The following CAST variants were observed in gnomAD, a reference collection of about 807,000 sequenced individuals.
The protein encoded by CAST is calpastatin.
Under a neutral mutation model 119.6 loss-of-function variants are expected in CAST, and 76 were observed. The ratio of observed to expected loss-of-function variants is 0.64; its 90% CI spans 0.53 to 0.77. The LOEUF (loss-of-function observed/expected upper bound fraction) is 0.77. Ranked by LOEUF, CAST falls within the 30% of genes least tolerant of loss-of-function variation. The probability of loss-of-function intolerance (pLI) is 0.00; values close to 1 mark genes in which losing one functional copy is unlikely to be tolerated. For missense variants in CAST, 953 were observed against 946.5 expected (o/e 1.01, Z -0.09); for synonymous variants, 319 against 331.6 (o/e 0.96, Z 0.41).
the CAST span, among the ~76,000 whole-genome samples, chr5:96,442,523 G>A: frequency 6.6e-6 from 1 of 152,226 alleles, no homozygotes; most frequent in East Asian, 1.9e-4. Context: ...CTAGGAACTT[G>A]GAAACTACGT....
chr5:96,623,177 T>G (rs1301083496), intron 1 of CAST, among the ~76,000 whole-genome samples: 1 of 152,108 alleles, frequency 6.6e-6, no homozygotes, highest in Non-Finnish European at 1.5e-5. Context: ...CTCAATAATT[T>G]TAATAACCTG....
the CAST span, among the ~76,000 whole-genome samples, chr5:96,048,438 A>G: frequency 6.6e-6 from 1 of 152,192 alleles, no homozygotes; most frequent in African/African-American, 2.4e-5. Flanking sequence ...CTGAGGGGGC[A>G]GAAAGGGAAA....
intron 1 of CAST, among the ~76,000 whole-genome samples, chr5:96,536,042 T>G (rs1745806806): frequency 6.7e-6 from 1 of 148,882 alleles, no homozygotes; most frequent in African/African-American, 2.5e-5. Context: ...TTTTTTTTTT[T>G]TTTTTTTTTT....
intron 2 of CAST, among the ~76,000 whole-genome samples, chr5:96,692,659 G>A (rs1197370343): frequency 6.6e-6 from 1 of 152,096 alleles, no homozygotes; most frequent in East Asian, 1.9e-4. Flanking sequence ...CCACACAGCA[G>A]TCAGGTGTTA....
intron 11 of CAST, among the ~76,000 whole-genome samples, chr5:96,738,679 T>C (rs1762115903): frequency 6.6e-6 from 1 of 152,080 alleles, no homozygotes; most frequent in Non-Finnish European, 1.5e-5. Context: ...ACACCTGTAA[T>C]CCCAGCACTT....
chr5:96,304,968 C>T, the CAST span, among the ~76,000 whole-genome samples: 82 of 152,126 alleles, frequency 5.4e-4, no homozygotes, highest in Admixed American at 1.0e-3. Context: ...TTAAAGTAGT[C>T]TTTTCCAATT....
intron 27 of CAST, among the ~76,000 whole-genome samples, chr5:96,766,847 C>G (rs937097977): frequency 6.7e-6 from 1 of 148,506 alleles, no homozygotes; most frequent in African/African-American, 2.5e-5. Flanking sequence ...TGTACTGATT[C>G]ATTTTGGTGA....
the CAST span, among the ~76,000 whole-genome samples, chr5:96,463,921 G>A: frequency 6.6e-6 from 1 of 151,442 alleles, no homozygotes; most frequent in Non-Finnish European, 1.5e-5. Context: ...CTATTTTGAC[G>A]TGAAGACACA....
chr5:96,316,698 G>T, the CAST span, among the ~76,000 whole-genome samples: 2 of 152,156 alleles, frequency 1.3e-5, no homozygotes, highest in Admixed American at 1.3e-4. Context: ...GTGTCATCAG[G>T]AATCCCAAAG....
At chr5:96,687,323 G>C (rs1752198969) in intron 2 of CAST, among the ~76,000 whole-genome samples, 1 of 152,192 alleles carries the variant, frequency 6.6e-6, no homozygotes, top group Non-Finnish European at 1.5e-5. Context: ...AATTGAAAAA[G>C]AGCTCAGAGG....
chr5:96,756,221 C>T (rs17401901), intron 22 of CAST, among the ~76,000 whole-genome samples: 15,120 of 152,180 alleles, frequency 0.099, 987 homozygotes, highest in Middle Eastern at 0.16. Flanking sequence ...CCCTTCCAGA[C>T]GCAGAATGAC....
the CAST span, among the ~76,000 whole-genome samples, chr5:96,239,867 A>G: frequency 6.6e-6 from 1 of 151,900 alleles, no homozygotes; most frequent in African/African-American, 2.4e-5. Context: ...TACTGCCTTC[A>G]TTCTAGATAC....
At chr5:96,463,961 A>C in the CAST span, among the ~76,000 whole-genome samples, 1 of 152,246 alleles carries the variant, frequency 6.6e-6, no homozygotes, top group African/African-American at 2.4e-5. Flanking sequence ...AGAAGTAAAA[A>C]GTAGAAGATG....
chr5:96,504,109 C>A, the CAST span, among the ~76,000 whole-genome samples: 18 of 152,124 alleles, frequency 1.2e-4, no homozygotes, highest in Admixed American at 8.5e-4. Flanking sequence ...TTTGAATGCA[C>A]GGCCTATGAC....
the CAST span, among the ~76,000 whole-genome samples, chr5:96,325,398 TTTTC>T: frequency 4.0e-5 from 6 of 151,296 alleles, no homozygotes; most frequent in African/African-American, 1.5e-4. Flanking sequence ...TCTTTCTTTC[TTTTC>T]TTTCTTTCTC....
chr5:96,375,015 A>T, the CAST span, among the ~76,000 whole-genome samples: 1 of 152,160 alleles, frequency 6.6e-6, no homozygotes, highest in Non-Finnish European at 1.5e-5. Flanking sequence ...ACTCTTTGAG[A>T]TTCTGACACT....
chr5:96,127,767 T>C, the CAST span, among the ~76,000 whole-genome samples: 1 of 152,148 alleles, frequency 6.6e-6, no homozygotes, highest in Middle Eastern at 3.2e-3. Context: ...TGGCAATTGG[T>C]GCAACTTACA....
the CAST span, among the ~76,000 whole-genome samples, chr5:96,351,591 A>G: frequency 6.6e-6 from 1 of 152,122 alleles, no homozygotes; most frequent in Non-Finnish European, 1.5e-5. Flanking sequence ...TAATTAAGCT[A>G]TCTCAGTTTG....
chr5:96,087,479 T>C, the CAST span, among the ~76,000 whole-genome samples: 2 of 152,174 alleles, frequency 1.3e-5, no homozygotes, highest in African/African-American at 4.8e-5. Context: ...ATACCAGAAG[T>C]GCATAATAGA....
Sources: allele counts gnomAD v4.1 joint callset (sites outside exome capture counted in the v4.1 genomes callset), GRCh38; gene constraint gnomAD v4.1.1; transcripts MANE v1.5; gene names NCBI Gene and HGNC (gene_info 2026-07-23, HGNC 2026-07-21).